RASGRP3: variants seen among roughly 807,000 people sequenced by gnomAD.
The protein encoded by RASGRP3 is ras guanyl-releasing protein 3.
RASGRP3 carries 54 observed loss-of-function variants against 82.7 expected under a neutral mutation model. That is an observed-to-expected ratio of 0.65 (90% CI 0.52 to 0.82). The LOEUF (loss-of-function observed/expected upper bound fraction) is 0.82, where lower values mean the gene tolerates loss of function less well. RASGRP3 is among the 40% of genes least tolerant of loss of function. The pLI, the probability that RASGRP3 is intolerant of heterozygous loss-of-function variation, is 0.00. For missense variants in RASGRP3, 861 were observed against 828.9 expected (o/e 1.04, Z -0.48); for synonymous variants, 309 against 300.5 (o/e 1.03, Z -0.29).
chr2:33,444,357 A>C (rs1388407977), intron 1 of RASGRP3, among the ~76,000 whole-genome samples: 1 of 152,168 alleles, frequency 6.6e-6, no homozygotes, highest in East Asian at 1.9e-4. Context: ...CCAAGATAAC[A>C]TTTCAACATG....
intron 7 of RASGRP3, among the ~76,000 whole-genome samples, chr2:33,523,034 T>C (rs966732401): frequency 6.6e-6 from 1 of 152,240 alleles, no homozygotes; most frequent in African/African-American, 2.4e-5. Context: ...TCAATTAATT[T>C]TTTTTCTTCT....
chr2:33,524,100 A>G, intron 8 of RASGRP3, 48 bp downstream of exon 8: 1 of 1,581,120 alleles, frequency 6.3e-7, no homozygotes, highest in East Asian at 2.2e-5. Context: ...ATGTTCGTTC[A>G]CTCTGTTGAG....
intron 14 of RASGRP3, among the ~76,000 whole-genome samples, chr2:33,553,550 C>T (rs1475102493): frequency 6.6e-6 from 1 of 152,082 alleles, no homozygotes; most frequent in Non-Finnish European, 1.5e-5. Context: ...TCATCACATT[C>T]ACCTTTTACA....
Position 33,549,673 on chromosome 2 carries a change from A to T in RASGRP3, c.1464A>T (p.Lys488Asn). The change falls in exon 14 of 18, where the codon AAA (lysine) becomes AAT (asparagine). Residue 488 changes from lysine (K) to asparagine (N), a missense_variant. Physicochemically the swap from Lys to Asn is moderately conservative, Grantham distance 94 (BLOSUM62 0). Transcript: ENST00000403687. Reference protein sequence around the residue: ...FLRAKSQLHCKMGPGFIHNFQ... With the variant: ...FLRAKSQLHCNMGPGFIHNFQ... ...GAGCTAAATCCCAACTACACTGTAA[A>T]ATGGGACCAGGATTTATCCATAATT... The T allele has an allele frequency of 6.2e-7, 1 of 1,613,716 alleles. No homozygotes were observed. The highest frequency in any genetic ancestry group is 8.5e-7 in the Non-Finnish European group (1 of 1,179,634).
chr2:33,516,127 C>T (rs1167388624), intron 3 of RASGRP3, among the ~76,000 whole-genome samples: 8 of 152,248 alleles, frequency 5.3e-5, no homozygotes, highest in Non-Finnish European at 7.4e-5. Context: ...GATCACTGGT[C>T]GGCCAGGCGC....
At chr2:33,493,756 TA>T (rs202148879) in intron 1 of RASGRP3, among the ~76,000 whole-genome samples, 4,145 of 145,632 alleles carry the variant, frequency 0.028, 130 homozygotes, top group African/African-American at 0.083. Context: ...CCTGAATGAA[TA>T]AAAAAAAAAA....
chr2:33,480,513 G>C lies in RASGRP3; in HGVS notation c.-261+3806G>C, dbSNP rs116300587. Among the ~76,000 whole-genome samples the C allele has an allele frequency of 7.8e-3, 1,182 of 152,214 alleles. 15 individuals carry two copies. The highest frequency in any genetic ancestry group is 0.027 in the African/African-American group (1,140 of 41,520). Reference sequence around the variant, plus strand: ...CTGTAGAAATTGGCTTTGTACAGGGGGTGTTATATGGGTACACGTGAAGTG... The same window carrying C: ...CTGTAGAAATTGGCTTTGTACAGGGCGTGTTATATGGGTACACGTGAAGTG... On this transcript the variant is annotated intron_variant, in intron 1 of 17. Coordinates refer to ENST00000403687, the MANE Select transcript of RASGRP3 (RefSeq NM_001139488.2).
chr2:33,442,724 A>G (rs1384773096), intron 1 of RASGRP3, among the ~76,000 whole-genome samples: 3 of 152,224 alleles, frequency 2.0e-5, no homozygotes, highest in Admixed American at 6.5e-5. Flanking sequence ...ATAATTGACA[A>G]TTGGAGGAAA....
At chr2:33,450,090 C>G (rs1034938387) in intron 2 of RASGRP3, among the ~76,000 whole-genome samples, 1 of 152,086 alleles carries the variant, frequency 6.6e-6, no homozygotes, top group African/African-American at 2.4e-5. Context: ...ATCGTTATTT[C>G]CAGCCCCCAA....
intron 4 of RASGRP3, 91 bp downstream of exon 4, chr2:33,516,735 GAATA>G: frequency 1.2e-6 from 1 of 856,024 alleles, no homozygotes; most frequent in South Asian, 1.7e-5. Context: ...AAATTAAGAT[GAATA>G]AATAGTCTTT....
chr2:33,486,522 A>G (rs1401602041), intron 1 of RASGRP3, among the ~76,000 whole-genome samples: 1 of 152,236 alleles, frequency 6.6e-6, no homozygotes, highest in Non-Finnish European at 1.5e-5. Context: ...AAACATGAAG[A>G]ATATAGAATT....
At chr2:33,466,997 G>A (rs946911581) in intron 2 of RASGRP3, among the ~76,000 whole-genome samples, 1 of 151,954 alleles carries the variant, frequency 6.6e-6, no homozygotes, top group Non-Finnish European at 1.5e-5. Context: ...CATCTCCTTA[G>A]ATCATTACCA....
chr2:33,438,029 G>GT (rs1369331724), intron 1 of RASGRP3, among the ~76,000 whole-genome samples: 1 of 152,164 alleles, frequency 6.6e-6, no homozygotes, highest in East Asian at 1.9e-4. Context: ...TTACAGCAAT[G>GT]TTGCTTACAG....
intron 2 of RASGRP3, among the ~76,000 whole-genome samples, chr2:33,452,834 C>T (rs535948034): frequency 6.6e-6 from 1 of 152,150 alleles, no homozygotes; most frequent in Non-Finnish European, 1.5e-5. Flanking sequence ...GCTATAGAGG[C>T]CTGCTTGCAG....
intron 2 of RASGRP3, among the ~76,000 whole-genome samples, chr2:33,514,551 GGTGT>G (rs1223268886): frequency 6.6e-6 from 1 of 150,786 alleles, no homozygotes; most frequent in Non-Finnish European, 1.5e-5. Flanking sequence ...CAGGAGTGGT[GGTGT>G]GTGTCTGTAG....
At position 33,519,637 on chromosome 2, in the gene RASGRP3, A is replaced by C. The variant is rs188360937; in HGVS notation, c.174-315A>C. Reference sequence around the variant, plus strand: ...AATGTAGTGTTTCTCTGTACTACCAACTTTAATTATGTATAGTTGCCAGAC... The same window carrying C: ...AATGTAGTGTTTCTCTGTACTACCACCTTTAATTATGTATAGTTGCCAGAC... On this transcript the variant is annotated intron_variant, in intron 4 of 17. Transcript: ENST00000403687. Among the ~76,000 whole-genome samples, 2 of 152,314 alleles carry C rather than the reference A, an allele frequency of 1.3e-5. 1 individual carries two copies. The highest frequency in any genetic ancestry group is 1.3e-4 in the Admixed American group (2 of 15,298).
intron 1 of RASGRP3, among the ~76,000 whole-genome samples, chr2:33,493,404 AGAGT>A (rs1669029553): frequency 6.6e-6 from 1 of 152,218 alleles, no homozygotes; most frequent in Non-Finnish European, 1.5e-5. Context: ...TGGTGCTGTC[AGAGT>A]GAGTCTGGAC....
At chr2:33,483,789 T>C (rs769973451) in intron 1 of RASGRP3, among the ~76,000 whole-genome samples, 66 of 152,122 alleles carry the variant, frequency 4.3e-4, no homozygotes, top group Non-Finnish European at 6.0e-4. Flanking sequence ...GCGCCCGGCC[T>C]AGTCACTACT....
intron 3 of RASGRP3, among the ~76,000 whole-genome samples, chr2:33,516,043 C>T (rs556411573): frequency 7.2e-5 from 11 of 152,302 alleles, no homozygotes; most frequent in African/African-American, 2.6e-4. Context: ...AAACTGTCAA[C>T]TGTAGACCAG....
Sources: gnomAD v4.1 joint callset for allele counts (sites outside exome capture counted in the v4.1 genomes callset) on GRCh38, gnomAD v4.1.1 for gene constraint, MANE v1.5 for transcripts, NCBI Gene and HGNC (gene_info 2026-07-23, HGNC 2026-07-21) for gene names.